FGF12: variants seen among roughly 807,000 people sequenced by gnomAD.
FGF12 encodes fibroblast growth factor 12, also known as fibroblast growth factor 12B.
FGF12 carries 14 observed loss-of-function variants against 23.6 expected under a neutral mutation model. That is an observed-to-expected ratio of 0.59 (90% CI 0.39 to 0.93). The LOEUF (loss-of-function observed/expected upper bound fraction) is 0.93. FGF12 is among the 40% of genes least tolerant of loss of function. FGF12 has a pLI of 0.00. For missense variants in FGF12, 175 were observed against 217.8 expected (o/e 0.80, Z 1.24); for synonymous variants, 62 against 77.3 (o/e 0.80, Z 1.04).
intron 4 of FGF12, among the ~76,000 whole-genome samples, chr3:192,211,292 A>G (rs965556373): frequency 2.6e-5 from 4 of 152,234 alleles, no homozygotes; most frequent in Non-Finnish European, 1.5e-5. Flanking sequence ...GTGGTTTTTA[A>G]GCAACTAAAA....
intron 4 of FGF12, among the ~76,000 whole-genome samples, chr3:192,332,809 G>T (rs1337202194): frequency 6.6e-6 from 1 of 151,996 alleles, no homozygotes; most frequent in Non-Finnish European, 1.5e-5. Context: ...ACCCTTATTG[G>T]TTGCCCAACT....
intron 2 of FGF12, among the ~76,000 whole-genome samples, chr3:192,634,852 G>A (rs190240770): frequency 2.2e-3 from 342 of 152,084 alleles, no homozygotes; most frequent in Middle Eastern, 3.4e-3. Context: ...TCACAATAGG[G>A]ATGAGAATAA....
intron 4 of FGF12, among the ~76,000 whole-genome samples, chr3:192,277,988 C>G (rs1435628102): frequency 6.6e-6 from 1 of 152,126 alleles, no homozygotes; most frequent in African/African-American, 2.4e-5. Flanking sequence ...GTCCTGAACT[C>G]CTGACCTCGT....
intron 4 of FGF12, among the ~76,000 whole-genome samples, chr3:192,205,355 C>T (rs1717593531): frequency 6.6e-6 from 1 of 152,084 alleles, no homozygotes; most frequent in Non-Finnish European, 1.5e-5. Context: ...CCATATCCTA[C>T]CCCCATGTTA....
chr3:192,220,095 T>C (rs1025178371), intron 4 of FGF12, among the ~76,000 whole-genome samples: 7 of 152,188 alleles, frequency 4.6e-5, no homozygotes, highest in African/African-American at 1.7e-4. Flanking sequence ...ATCTTGACAA[T>C]TGAATCTGTT....
At chr3:192,379,104 C>T (rs1353702093) in intron 2 of FGF12, among the ~76,000 whole-genome samples, 1 of 152,136 alleles carries the variant, frequency 6.6e-6, no homozygotes, top group Non-Finnish European at 1.5e-5. Flanking sequence ...TTTCTGGCTG[C>T]ATAGTATTCC....
At chr3:192,686,737 T>C (rs781031973) in intron 2 of FGF12, among the ~76,000 whole-genome samples, 1 of 150,890 alleles carries the variant, frequency 6.6e-6, no homozygotes, top group Non-Finnish European at 1.5e-5. Flanking sequence ...AGAATATCTA[T>C]ATGTAACAAA....
chr3:192,610,195 A>G (rs1272647203), intron 2 of FGF12, among the ~76,000 whole-genome samples: 1 of 152,038 alleles, frequency 6.6e-6, no homozygotes, highest in Non-Finnish European at 1.5e-5. Context: ...ATCTATTTCC[A>G]CCCGCTGCTG....
chr3:192,357,987 T>G lies in FGF12; in HGVS notation c.124+2441A>C, dbSNP rs190556417. On this transcript the variant is annotated intron_variant, in intron 3 of 5. Transcript: ENST00000445105. ...TTGTATACATTCATACAGTGGGATATTTTACAAAAATGAAAGAAATAAAGC... is the reference window on the plus strand; with the variant it reads ...TTGTATACATTCATACAGTGGGATAGTTTACAAAAATGAAAGAAATAAAGC... Among the ~76,000 whole-genome samples the G allele has an allele frequency of 8.9e-4, 136 of 152,222 alleles. 1 individual carries two copies. The East Asian group carries it at 0.011, about 13-fold the overall frequency.
chr3:192,280,667 T>C (rs1269858407), intron 4 of FGF12, among the ~76,000 whole-genome samples: 1 of 152,108 alleles, frequency 6.6e-6, no homozygotes, highest in Non-Finnish European at 1.5e-5. Flanking sequence ...ATCATCCTCA[T>C]TTGACAAATG....
At chr3:192,335,039 G>A (rs1167430814) in intron 4 of FGF12, among the ~76,000 whole-genome samples, 1 of 152,068 alleles carries the variant, frequency 6.6e-6, no homozygotes, top group African/African-American at 2.4e-5. Context: ...GCTTAAAGGA[G>A]AGATAACAAG....
At chr3:192,314,875 C>T (rs1188659504) in intron 4 of FGF12, among the ~76,000 whole-genome samples, 3 of 152,156 alleles carry the variant, frequency 2.0e-5, no homozygotes, top group African/African-American at 7.2e-5. Flanking sequence ...AAGGTGACTG[C>T]ATAATTATTG....
chr3:192,684,334 T>A (rs1717652801), intron 2 of FGF12, among the ~76,000 whole-genome samples: 1 of 152,154 alleles, frequency 6.6e-6, no homozygotes, highest in African/African-American at 2.4e-5. Context: ...TAGTGAGCAG[T>A]GAGTAATCAT....
In FGF12 at chr3:192,408,057, C is replaced by T; in HGVS notation, c.14-47519G>A. On this transcript the variant is annotated intron_variant, in intron 2 of 5. Coordinates refer to ENST00000445105, the MANE Select transcript of FGF12 (RefSeq NM_004113.6). The surrounding 1 kb of genome is among the most constrained non-coding windows in gnomAD (Gnocchi z 7.3). ...CCGCCTCACCGGCCTCTTGCGGCCGCTGCAGAAGCGCACTTTGCTGAACAC... is the reference window on the plus strand; with the variant it reads ...CCGCCTCACCGGCCTCTTGCGGCCGTTGCAGAAGCGCACTTTGCTGAACAC... 1 of 1,612,596 alleles carries T rather than the reference C, an allele frequency of 6.2e-7. No individual in the cohort carries two copies. The highest frequency in any genetic ancestry group is 8.5e-7 in the Non-Finnish European group (1 of 1,179,790).
intron 2 of FGF12, among the ~76,000 whole-genome samples, chr3:192,572,296 T>C (rs1161726076): frequency 6.6e-6 from 1 of 152,226 alleles, no homozygotes; most frequent in Non-Finnish European, 1.5e-5. Flanking sequence ...ATTTATTCCT[T>C]GAGCGCCCAG....
chr3:192,206,285 A>G (rs1388511444), intron 4 of FGF12, among the ~76,000 whole-genome samples: 1 of 152,186 alleles, frequency 6.6e-6, no homozygotes, highest in African/African-American at 2.4e-5. Context: ...CTACCCAACA[A>G]AGGATCATAG....
chr3:192,420,427 T>C (rs778282219), intron 2 of FGF12, among the ~76,000 whole-genome samples: 6 of 152,192 alleles, frequency 3.9e-5, no homozygotes, highest in African/African-American at 9.6e-5. Flanking sequence ...CCAACTCTTA[T>C]GTTGAAATAT....
intron 4 of FGF12, among the ~76,000 whole-genome samples, chr3:192,323,495 G>T (rs1716653431): frequency 1.3e-5 from 2 of 152,114 alleles, no homozygotes; most frequent in Admixed American, 1.3e-4. Context: ...TTATTTGCAG[G>T]AGTTAAAAAT....
chr3:192,528,411 G>A (rs779628056), intron 2 of FGF12, among the ~76,000 whole-genome samples: 2 of 152,126 alleles, frequency 1.3e-5, no homozygotes, highest in Non-Finnish European at 2.9e-5. Context: ...TGGGCAGCTC[G>A]GCAACTGTGG....
Sources: allele counts gnomAD v4.1 joint callset (sites outside exome capture counted in the v4.1 genomes callset), GRCh38; gene constraint gnomAD v4.1.1; non-coding constraint Gnocchi (gnomAD v3.1); transcripts MANE v1.5; gene names NCBI Gene and HGNC (gene_info 2026-07-23, HGNC 2026-07-21).